Variants in DLEC1 observed in about 807,000 individuals in gnomAD.
DLEC1 encodes deleted in lung and esophageal cancer protein 1.
Under a neutral mutation model 198.1 loss-of-function variants are expected in DLEC1, and 146 were observed. The ratio of observed to expected loss-of-function variants is 0.74; its 90% CI spans 0.64 to 0.85. The LOEUF (loss-of-function observed/expected upper bound fraction) is 0.85. Among genes scored for constraint, DLEC1 ranks in the 40% least tolerant of loss-of-function variants. The probability of loss-of-function intolerance (pLI) is 0.00; values close to 1 mark genes in which losing one functional copy is unlikely to be tolerated. For missense variants in DLEC1, 2,233 were observed against 2,220.0 expected, an observed-to-expected ratio of 1.01 and a Z score of -0.12; for synonymous variants, 897 against 866.8, an observed-to-expected ratio of 1.03 and a Z score of -0.61.
At chr3:38,111,246 C>G (rs1236933555) in intron 23 of DLEC1, among the ~76,000 whole-genome samples, 2 of 152,180 alleles carry the variant, frequency 1.3e-5, no homozygotes. Flanking sequence ...CATTAACTTT[C>G]TATTGTGGAA....
At chr3:38,045,171 T>C (rs896284704) in intron 1 of DLEC1, among the ~76,000 whole-genome samples, 1 of 152,214 alleles carries the variant, frequency 6.6e-6, no homozygotes, top group African/African-American at 2.4e-5. Flanking sequence ...GTGAAGGGGC[T>C]GTCTGCTGAC....
At chr3:38,092,055 GCA>G (rs1165670207) in intron 10 of DLEC1, among the ~76,000 whole-genome samples, 1 of 152,198 alleles carries the variant, frequency 6.6e-6, no homozygotes, top group Non-Finnish European at 1.5e-5. Flanking sequence ...ATTGCTCACT[GCA>G]TCCTCTAACT....
intron 13 of DLEC1, chr3:38,095,661 A>G: frequency 1.8e-6 from 1 of 548,632 alleles, no homozygotes; most frequent in Non-Finnish European, 3.3e-6. Flanking sequence ...TGCTTCTTGC[A>G]CCCAGGCCCA....
chr3:38,088,355 T>C lies in DLEC1; in HGVS notation c.1632T>C (p.Phe544=), dbSNP rs1308323524. Residue 544 remains phenylalanine, a synonymous_variant, in exon 10 of 37, where the codon TTT becomes TTC. Transcript: ENST00000308059. ...QPPFGILPSV[F]ELAPGHAILV... is the part of the protein sequence containing the mutation. The stretch of plus-strand genomic sequence containing the variant: ...CTTTTGGAATCCTGCCTTCGGTGTT[T>C]GAGCTGGCCCCGGGACATGCTATAT... The C allele has an allele frequency of 6.2e-7, 1 of 1,614,006 alleles. No individual in the cohort carries two copies. The highest frequency in any genetic ancestry group is 1.7e-5 in the Admixed American group (1 of 60,024).
chr3:38,063,692 A>T (rs1369543275), intron 5 of DLEC1, 149 bp from the exon 6 acceptor site: 21 of 567,830 alleles, frequency 3.7e-5, no homozygotes, highest in African/African-American at 7.7e-5. Context: ...CATTAACAAT[A>T]AGATCCAAAA....
rs181611882 is a variant in DLEC1 at position 38,078,358 on chromosome 3, G to A, written c.1174-5800G>A. ...TAAAAGTATTAAAGCAGCAGCAGCCGCTGCACGCAGACATGAGGGCTAGGC... is the reference window on the plus strand; with the variant it reads ...TAAAAGTATTAAAGCAGCAGCAGCCACTGCACGCAGACATGAGGGCTAGGC... On this transcript the variant is annotated intron_variant, in intron 6 of 36. Coordinates refer to ENST00000308059, the MANE Select transcript of DLEC1 (RefSeq NM_007335.4). 2.8e-3 allele frequency among the ~76,000 whole-genome samples: 424 copies of A among 152,326 alleles called. 4 individuals are homozygous for A. Among genetic ancestry groups the A allele is most frequent in the Middle Eastern group, 0.01 (3 of 294 alleles).
intron 3 of DLEC1, among the ~76,000 whole-genome samples, 161 bp downstream of exon 3, chr3:38,060,013 C>A (rs776755272): frequency 6.6e-6 from 1 of 152,140 alleles, no homozygotes; most frequent in Non-Finnish European, 1.5e-5. Flanking sequence ...AGCATCTGAG[C>A]ATGCCAATTT....
At chr3:38,084,298 TATTA>T in intron 7 of DLEC1, 53 bp downstream of exon 7, 3 of 1,509,006 alleles carry the variant, frequency 2.0e-6, no homozygotes. Flanking sequence ...GTAGTGGTGG[TATTA>T]GTAGTAATAG....
At chr3:38,052,027 T>C (rs7632908) in intron 2 of DLEC1, 12,771 of 198,540 alleles carry the variant, frequency 0.064, 626 homozygotes, top group Middle Eastern at 0.19. Context: ...CAGAAGTCAT[T>C]GTGGCAGCCA....
chr3:38,075,917 C>CCACTAAGG (rs1218035878), intron 6 of DLEC1, among the ~76,000 whole-genome samples: 1 of 152,048 alleles, frequency 6.6e-6, no homozygotes, highest in African/African-American at 2.4e-5. Flanking sequence ...GCGGGACTTG[C>CCACTAAGG]CACTAAGGGT....
chr3:38,065,709 TTAA>T (rs1004907962), intron 6 of DLEC1, among the ~76,000 whole-genome samples: 5 of 152,236 alleles, frequency 3.3e-5, no homozygotes, highest in African/African-American at 9.6e-5. Context: ...CCCAGCCATA[TTAA>T]TAATGATTCC....
At chr3:38,114,937 T>C (rs1202945030) in intron 26 of DLEC1, 46 bp from the exon 27 acceptor site, 8 of 1,572,164 alleles carry the variant, frequency 5.1e-6, no homozygotes, top group Admixed American at 1.7e-5. Flanking sequence ...ACCTGCAAGG[T>C]GTACGCTGGC....
At chr3:38,118,095 C>A in intron 33 of DLEC1, 71 bp downstream of exon 33, 1 of 1,500,938 alleles carries the variant, frequency 6.7e-7, no homozygotes, top group Non-Finnish European at 9.0e-7. Context: ...CACCCCTGCA[C>A]GCCACCCTCA....
At chr3:38,083,842 C>G (rs1182860803) in intron 6 of DLEC1, among the ~76,000 whole-genome samples, 1 of 151,360 alleles carries the variant, frequency 6.6e-6, no homozygotes, top group Non-Finnish European at 1.5e-5. Context: ...GTTGTCCAGG[C>G]AGGTCTCAAA....
At position 38,117,055 on chromosome 3, in the gene DLEC1, G is replaced by A; in HGVS notation, c.4260G>A (p.Val1420=). The stretch of plus-strand genomic sequence containing the variant: ...TCAGCCCTGAGATCCTGCACAAGGT[G>A]GAGTGTACTGGCTACGCCCTGGGTT... The part of the protein sequence containing the change: ...MVLSPEILHK[V]ECTGYALGFM... Residue 1420 remains valine, a synonymous_variant, in exon 30 of 37, where the codon GTG becomes GTA. Coordinates refer to ENST00000308059, the MANE Select transcript of DLEC1 (RefSeq NM_007335.4). 6 of 1,614,122 alleles carry A rather than the reference G, an allele frequency of 3.7e-6. No homozygotes were observed. The highest frequency in any genetic ancestry group is 1.1e-5 in the South Asian group (1 of 91,090).
intron 30 of DLEC1, 40 bp downstream of exon 30, chr3:38,117,140 C>A: frequency 6.2e-7 from 1 of 1,613,968 alleles, no homozygotes; most frequent in Non-Finnish European, 8.5e-7. Context: ...GCAGCCACTG[C>A]TCCCTCCTGG....
intron 33 of DLEC1, 40 bp from the exon 34 acceptor site, chr3:38,120,408 C>G (rs1700386535): frequency 6.2e-7 from 1 of 1,609,156 alleles, no homozygotes; most frequent in Admixed American, 1.7e-5. Context: ...GCCACCTGCC[C>G]TCTGCAGCCG....
rs1700207297 is a variant in DLEC1 at position 38,116,972 on chromosome 3, C to G, written c.4180-3C>G. 6.2e-7 allele frequency: 1 copy of G among 1,613,738 alleles called. No individual in the cohort carries two copies. The highest frequency in any genetic ancestry group is 1.3e-5 in the African/African-American group (1 of 75,026). ...AGTGCTAAGGCTGCTGTGTCTATGC[C>G]AGGTGGTCCCTGCTGGGGGCAGCAG... is the stretch of plus-strand genomic sequence containing the variant. On this transcript the variant is annotated splice_region_variant and splice_polypyrimidine_tract_variant and intron_variant, in intron 29 of 36. Coordinates refer to ENST00000308059, the MANE Select transcript of DLEC1 (RefSeq NM_007335.4).
rs1328549947 is a variant in DLEC1 at position 38,045,639 on chromosome 3, G to T, written c.508G>T (p.Val170Phe). 1.9e-6 allele frequency: 3 copies of T among 1,614,118 alleles called. No homozygotes were observed. The highest frequency in any genetic ancestry group is 1.1e-5 in the South Asian group (1 of 91,080). Residue 170 changes from valine (V) to phenylalanine (F), a missense_variant, in exon 2 of 37, where the codon GTC (valine) becomes TTC (phenylalanine). By Grantham distance (50) the Val-to-Phe change is conservative (BLOSUM62 -1). Coordinates refer to ENST00000308059, the MANE Select transcript of DLEC1 (RefSeq NM_007335.4). ...QARAIAENERVMSQAGVQDLE... is the reference protein window; with the variant it reads ...QARAIAENERFMSQAGVQDLE... ...ACGGGCTATTGCGGAAAATGAGCGG[G>T]TCATGAGCCAGGCTGGAGTACAGGA...
Sources: allele counts gnomAD v4.1 joint callset (sites outside exome capture counted in the v4.1 genomes callset), GRCh38; gene constraint gnomAD v4.1.1; transcripts MANE v1.5; gene names NCBI Gene and HGNC (gene_info 2026-07-23, HGNC 2026-07-21).